Variants in PRKN observed in about 807,000 individuals in gnomAD.
The protein encoded by PRKN is parkin RBR E3 ubiquitin protein ligase.
In PRKN, 56 loss-of-function variants were observed where a neutral mutation model predicts 59.5. The ratio of observed to expected loss-of-function variants is 0.94; its 90% CI spans 0.76 to 1.18. The LOEUF is 1.18. Ranked by LOEUF, PRKN falls within the 50% of genes most tolerant of loss-of-function variation. PRKN has a pLI of 0.00. For missense variants in PRKN, 657 were observed against 596.4 expected (o/e 1.10, Z -1.06); for synonymous variants, 250 against 222.1 (o/e 1.13, Z -1.12).
chr6:161,621,561 T>C (rs1162162273), intron 7 of PRKN, among the ~76,000 whole-genome samples: 1 of 152,040 alleles, frequency 6.6e-6, no homozygotes, highest in Non-Finnish European at 1.5e-5. Flanking sequence ...ATGGGGCCCG[T>C]CCACATTAAG....
intron 1 of PRKN, among the ~76,000 whole-genome samples, chr6:162,687,099 T>C (rs1174276767): frequency 1.3e-5 from 2 of 152,122 alleles, no homozygotes; most frequent in African/African-American, 4.8e-5. Context: ...AGGAATTGCA[T>C]TGAATCTGTA....
chr6:162,628,888 A>C (rs1782998253), intron 1 of PRKN, among the ~76,000 whole-genome samples: 1 of 152,144 alleles, frequency 6.6e-6, no homozygotes, highest in Non-Finnish European at 1.5e-5. Context: ...ACCTTAACCC[A>C]GTGAAGGTTA....
chr6:161,689,799 C>T (rs1184523822), intron 7 of PRKN, among the ~76,000 whole-genome samples: 1 of 152,110 alleles, frequency 6.6e-6, no homozygotes, highest in Non-Finnish European at 1.5e-5. Context: ...CAACCTCTGC[C>T]TCCCAGGTTC....
At chr6:162,256,148 G>A (rs1257658435) in intron 3 of PRKN, among the ~76,000 whole-genome samples, 1 of 152,202 alleles carries the variant, frequency 6.6e-6, no homozygotes, top group South Asian at 2.1e-4. Context: ...AGAAGGTGTA[G>A]GAGTTTGGGC....
At chr6:161,855,456 G>T (rs1793613076) in intron 6 of PRKN, among the ~76,000 whole-genome samples, 1 of 152,218 alleles carries the variant, frequency 6.6e-6, no homozygotes, top group East Asian at 1.9e-4. Context: ...AAAAATCATT[G>T]ATTCATTTAC....
At chr6:162,053,252 C>T (rs1228452773) in intron 5 of PRKN, among the ~76,000 whole-genome samples, 1 of 152,170 alleles carries the variant, frequency 6.6e-6, no homozygotes, top group Non-Finnish European at 1.5e-5. Context: ...CGCTCAAACG[C>T]TGTACCTGTT....
intron 7 of PRKN, among the ~76,000 whole-genome samples, chr6:161,764,775 C>A (rs1161543762): frequency 6.6e-6 from 1 of 152,196 alleles, no homozygotes; most frequent in East Asian, 1.9e-4. Context: ...GCTTTCAATT[C>A]AAAGTACTTG....
At chr6:161,437,982 T>C (rs1012851192) in intron 9 of PRKN, among the ~76,000 whole-genome samples, 4 of 152,122 alleles carry the variant, frequency 2.6e-5, no homozygotes, top group African/African-American at 9.7e-5. Context: ...ACACAGTAAT[T>C]ATATGAGCCC....
At chr6:162,024,194 C>CTTTTTTTTTTTTTTTTTTT (rs111595639) in intron 5 of PRKN, among the ~76,000 whole-genome samples, 1 of 82,062 alleles carries the variant, frequency 1.2e-5, no homozygotes, top group Non-Finnish European at 2.1e-5. Flanking sequence ...TCCCCCAACC[C>CTTTTTTTTTTTTTTTTTTT]TTTTTTTTTT....
intron 4 of PRKN, among the ~76,000 whole-genome samples, chr6:162,096,848 ATTTTTTTTTTTT>A (rs71004079): frequency 1.4e-4 from 7 of 49,178 alleles, no homozygotes; most frequent in African/African-American, 4.5e-4. Flanking sequence ...TACAGCTGGA[ATTTTTTTTTTTT>A]TTTTTTTTTT....
intron 7 of PRKN, among the ~76,000 whole-genome samples, chr6:161,583,673 T>C (rs921577052): frequency 9.2e-5 from 14 of 152,292 alleles, no homozygotes; most frequent in African/African-American, 2.9e-4. Flanking sequence ...TTGCATGCCC[T>C]TACATCAATA....
At chr6:161,375,977 A>G (rs1187341488) in intron 10 of PRKN, among the ~76,000 whole-genome samples, 2 of 151,914 alleles carry the variant, frequency 1.3e-5, no homozygotes, top group Non-Finnish European at 2.9e-5. Context: ...CTCCCAAATA[A>G]CCGGGGATCT....
At chr6:162,282,437 T>C (rs1780949203) in intron 2 of PRKN, among the ~76,000 whole-genome samples, 1 of 152,168 alleles carries the variant, frequency 6.6e-6, no homozygotes, top group Non-Finnish European at 1.5e-5. Context: ...ATAAAAGTGC[T>C]TATGATAAAC....
At chr6:162,646,086 A>G (rs1254040144) in intron 1 of PRKN, among the ~76,000 whole-genome samples, 1 of 151,608 alleles carries the variant, frequency 6.6e-6, no homozygotes, top group Non-Finnish European at 1.5e-5. Flanking sequence ...GTTAGCCAGG[A>G]TGGTCTCGAT....
intron 1 of PRKN, among the ~76,000 whole-genome samples, chr6:162,677,703 G>A (rs896956439): frequency 5.9e-5 from 9 of 152,076 alleles, no homozygotes; most frequent in Admixed American, 3.9e-4. Context: ...GCTGACCCAC[G>A]TTTGTATAAT....
At chr6:162,038,656 G>C (rs553237737) in intron 5 of PRKN, among the ~76,000 whole-genome samples, 1 of 152,150 alleles carries the variant, frequency 6.6e-6, no homozygotes, top group Non-Finnish European at 1.5e-5. Flanking sequence ...GAAAACTACA[G>C]AAAAATAAAC....
At position 161,530,870 on chromosome 6, in the gene PRKN, G is replaced by A. The variant is rs1008791737; in HGVS notation, c.1083+17984C>T. On this transcript the variant is annotated intron_variant, in intron 9 of 11. Transcript: ENST00000366898. The surrounding 1 kb of genome is among the most constrained non-coding windows in gnomAD (Gnocchi z 5.0). ...GGCTGTCATGCTGCTCTACTTCAGA[G>A]AACAGACCAATTTTTAGAGAGCTTC... is the stretch of plus-strand genomic sequence containing the variant. Among the ~76,000 whole-genome samples, 1 of 152,146 alleles carries A rather than the reference G, an allele frequency of 6.6e-6. No individual in the cohort carries two copies. The highest frequency in any genetic ancestry group is 2.4e-5 in the African/African-American group (1 of 41,430).
At chr6:162,185,125 T>C (rs986348179) in intron 4 of PRKN, among the ~76,000 whole-genome samples, 2 of 152,176 alleles carry the variant, frequency 1.3e-5, no homozygotes, top group Non-Finnish European at 2.9e-5. Flanking sequence ...TGTGATATTA[T>C]TTAGTACATA....
At chr6:161,896,557 C>T (rs1372074470) in intron 6 of PRKN, among the ~76,000 whole-genome samples, 2 of 152,138 alleles carry the variant, frequency 1.3e-5, no homozygotes, top group African/African-American at 4.8e-5. Flanking sequence ...CCTAGCCCTG[C>T]CCAAACCCAT....
Sources: allele counts gnomAD v4.1 joint callset (sites outside exome capture counted in the v4.1 genomes callset), GRCh38; gene constraint gnomAD v4.1.1; non-coding constraint Gnocchi (gnomAD v3.1); transcripts MANE v1.5; gene names NCBI Gene and HGNC (gene_info 2026-07-23, HGNC 2026-07-21).